The following ST3GAL2 variants were observed in gnomAD, a reference collection of about 807,000 sequenced individuals.
ST3GAL2 encodes the protein ST3 beta-galactoside alpha-2,3-sialyltransferase 2, also known as CMP-N-acetylneuraminate-beta-galactosamide-alpha-2,3-sialyltransferase 2.
In ST3GAL2, 16 loss-of-function variants were observed where a neutral mutation model predicts 37.5. That is an observed-to-expected ratio of 0.43 (90% CI 0.29 to 0.65). The LOEUF (loss-of-function observed/expected upper bound fraction) is 0.65. ST3GAL2 is among the 30% of genes least tolerant of loss of function. The pLI is 0.17. For synonymous variants in ST3GAL2, 238 were observed against 202.9 expected, an observed-to-expected ratio of 1.17 and a Z score of -1.47; for missense variants, 383 against 487.8, an observed-to-expected ratio of 0.79 and a Z score of 2.02.
At chr16:70,425,012 G>A (rs1333472376) in intron 1 of ST3GAL2, among the ~76,000 whole-genome samples, 1 of 152,148 alleles carries the variant, frequency 6.6e-6, no homozygotes, top group Admixed American at 6.6e-5. Context: ...TGGCAGCTGG[G>A]GAGAGATGGT....
At chr16:70,394,737 G>T (rs1363619927) in intron 3 of ST3GAL2, among the ~76,000 whole-genome samples, 1 of 152,186 alleles carries the variant, frequency 6.6e-6, no homozygotes, top group African/African-American at 2.4e-5. Flanking sequence ...CTTTCCAGAG[G>T]AATTCAGAGC....
intron 1 of ST3GAL2, among the ~76,000 whole-genome samples, chr16:70,419,665 C>A (rs953400742): frequency 1.3e-5 from 2 of 152,206 alleles, no homozygotes; most frequent in Non-Finnish European, 1.5e-5. Context: ...TCAGAGGCTT[C>A]CCTGTCCCAG....
Position 70,382,819 on chromosome 16 carries a change from G to T in ST3GAL2, c.865C>A (p.His289Asn). ...GGCCTACCCACCTCATCACACACAT[G>T]CAGGGCAAAGAAAAGCACCAGCATC... ...TGMLVLFFAL[H>N]VCDEVNVYGF... is the part of the protein sequence containing the mutation. Residue 289 changes from histidine to asparagine, a missense_variant, in exon 6 of 7, where the codon CAT becomes AAT. By Grantham distance (68) the His-to-Asn change is moderately conservative (BLOSUM62 1). Around this residue, in one of 2 missense-constraint regions of ST3GAL2, gnomAD observed 160 missense variants for 248.6 expected, o/e 0.64. Coordinates refer to ENST00000342907, the MANE Select transcript of ST3GAL2 (RefSeq NM_006927.4). The T allele has an allele frequency of 6.2e-7, 1 of 1,614,064 alleles. No homozygotes were observed. The highest frequency in any genetic ancestry group is 8.5e-7 in the Non-Finnish European group (1 of 1,179,988).
intron 1 of ST3GAL2, among the ~76,000 whole-genome samples, chr16:70,426,200 T>TTG (rs1555561554): frequency 2.9e-5 from 4 of 136,304 alleles, no homozygotes; most frequent in African/African-American, 1.2e-4. Flanking sequence ...TTTTTTTTTT[T>TTG]TTTTTGTTTT....
At chr16:70,430,543 T>C (rs1414234675) in intron 1 of ST3GAL2, among the ~76,000 whole-genome samples, 1 of 152,204 alleles carries the variant, frequency 6.6e-6, no homozygotes, top group African/African-American at 2.4e-5. Context: ...GAGGGGAGCC[T>C]GAATGGGATC....
rs376789646 is a variant in ST3GAL2 at position 70,416,132 on chromosome 16, G to A, written c.-1003-16599C>T. ...ATCCTACCTCCACTCTCTTCCTCCC[G>A]GATGATCGCAGTGTTGGTTACTGCT... On this transcript the variant is annotated intron_variant, in intron 1 of 6. Coordinates refer to ENST00000342907, the MANE Select transcript of ST3GAL2 (RefSeq NM_006927.4). 2.6e-5 allele frequency among the ~76,000 whole-genome samples: 4 copies of A among 151,826 alleles called. No individual in the cohort carries two copies. The East Asian group carries it at 5.8e-4, about 22-fold the overall frequency.
chr16:70,390,620 G>T (rs533762308), intron 3 of ST3GAL2, among the ~76,000 whole-genome samples: 1 of 152,128 alleles, frequency 6.6e-6, no homozygotes, highest in African/African-American at 2.4e-5. Flanking sequence ...AAGTTCTGAC[G>T]GTCTGCCCTT....
At chr16:70,395,227 G>A (rs767976589) in intron 2 of ST3GAL2, 52 bp from the exon 3 acceptor site, 9 of 1,542,730 alleles carry the variant, frequency 5.8e-6, no homozygotes, top group South Asian at 4.9e-5. Context: ...GGTGTGTGAA[G>A]AAGGAGGGGC....
rs77614123 is a variant in ST3GAL2 at position 70,430,532 on chromosome 16, C to A, written c.-1004+8417G>T. On this transcript the variant is annotated intron_variant, in intron 1 of 6. Transcript: ENST00000342907. ...GAAGTACCAGTGTTGGCCCCCTTCACGAGGGGAGCCTGAATGGGATCCCCA... is the reference window on the plus strand; with the variant it reads ...GAAGTACCAGTGTTGGCCCCCTTCAAGAGGGGAGCCTGAATGGGATCCCCA... Among the ~76,000 whole-genome samples, 643 of 152,326 alleles carry A rather than the reference C, an allele frequency of 4.2e-3. 4 individuals are homozygous for A. The highest frequency in any genetic ancestry group is 0.015 in the African/African-American group (609 of 41,572).
intron 2 of ST3GAL2, among the ~76,000 whole-genome samples, chr16:70,397,430 T>C (rs994317996): frequency 6.6e-6 from 1 of 151,632 alleles, no homozygotes; most frequent in Non-Finnish European, 1.5e-5. Flanking sequence ...TCATGGTATT[T>C]ACAATTATTT....
At position 70,376,372 on chromosome 16, in the gene ST3GAL2, G is replaced by C. The variant is rs1180441322; in HGVS notation, c.*5317C>G. On this transcript the variant is annotated 3_prime_UTR_variant, in exon 7 of 7. Transcript: ENST00000342907. ...TGCTTCACAGGCTTCCCTCTGGAGA[G>C]AACCAGGCTGCCAGAGAGTCTGTGC... The C allele has an allele frequency of 1.3e-5, 2 of 152,258 alleles. No homozygotes were observed. The highest frequency in any genetic ancestry group is 2.9e-5 in the Non-Finnish European group (2 of 68,052). The allele number at this position is 152,258 out of a possible 1,614,324, so 9.4% of individuals were successfully genotyped here. A position where few individuals can be genotyped will look rare whatever the true frequency, so the allele number is the denominator to read the frequency against.
Position 70,381,533 on chromosome 16 carries a change from T to C in ST3GAL2, c.*156A>G, listed in dbSNP as rs1166175318. On this transcript the variant is annotated 3_prime_UTR_variant, in exon 7 of 7. Transcript: ENST00000342907. ...TCCGCCCGACCGCAGCGCAGATTGG[T>C]GCCAGGCCCGGCCGGTCCCCCAGTC... The C allele has an allele frequency of 4.6e-6, 4 of 863,168 alleles. No homozygotes were observed. In the Admixed American group the frequency reaches 1.2e-4, roughly 25 times the overall value. The allele number at this position is 863,168 out of a possible 1,614,324, so 53.5% of individuals were successfully genotyped here.
At chr16:70,411,726 G>A (rs1180071482) in intron 1 of ST3GAL2, among the ~76,000 whole-genome samples, 1 of 152,132 alleles carries the variant, frequency 6.6e-6, no homozygotes, top group East Asian at 1.9e-4. Context: ...CAGGCACGGT[G>A]GCTCACACCT....
At chr16:70,433,292 C>T (rs921421937) in intron 1 of ST3GAL2, among the ~76,000 whole-genome samples, 1 of 152,164 alleles carries the variant, frequency 6.6e-6, no homozygotes, top group African/African-American at 2.4e-5. Flanking sequence ...CATCTCCTCC[C>T]TCCCTCCTCT....
At position 70,407,404 on chromosome 16, in the gene ST3GAL2, G is replaced by C. The variant is rs1424107386; in HGVS notation, c.-1003-7871C>G. ...GATCCGCCTGCCTCGGCCTCCCCAG[G>C]TGCTGGAATTACAGGTGTGAGCCAC... On this transcript the variant is annotated intron_variant, in intron 1 of 6. Transcript: ENST00000342907. Among the ~76,000 whole-genome samples, 9 of 152,298 alleles carry C rather than the reference G, an allele frequency of 5.9e-5. No individual in the cohort carries two copies. In the East Asian group the frequency reaches 1.7e-3, roughly 29 times the overall value.
In ST3GAL2 at chr16:70,395,084, C is replaced by T. The variant is rs757169813; in HGVS notation, c.431G>A (p.Arg144Gln). 35 of 1,613,838 alleles carry T rather than the reference C, an allele frequency of 2.2e-5. No homozygotes were observed. The highest frequency in any genetic ancestry group is 2.8e-5 in the Non-Finnish European group (33 of 1,179,974). ...ACAGCGCCGGCACTGGTGGGGGTCC[C>T]GGAAGCGGTAGGGGTTCTCGCCAGG... ...IVPGENPYRF[R>Q]DPHQCRRCAV... The change falls in exon 3 of 7, where the codon CGG becomes CAG. Residue 144 changes from arginine to glutamine, a missense_variant. Physicochemically the swap from Arg to Gln is conservative, Grantham distance 43. This residue lies in a region of ST3GAL2 where 223 missense variants were observed against 239.1 expected (regional missense o/e 0.93). Transcript: ENST00000342907.
intron 3 of ST3GAL2, among the ~76,000 whole-genome samples, chr16:70,392,595 C>A (rs774702204): frequency 1.3e-5 from 2 of 152,168 alleles, no homozygotes; most frequent in Non-Finnish European, 2.9e-5. Flanking sequence ...ACCAGCTCAA[C>A]TGGACTTGAA....
intron 1 of ST3GAL2, among the ~76,000 whole-genome samples, chr16:70,419,283 G>A (rs1170835029): frequency 1.3e-5 from 2 of 152,196 alleles, no homozygotes; most frequent in East Asian, 1.9e-4. Context: ...CAGTCTTTGC[G>A]GCCCAGAGTT....
At chr16:70,409,446 C>T (rs1301705011) in intron 1 of ST3GAL2, among the ~76,000 whole-genome samples, 1 of 152,106 alleles carries the variant, frequency 6.6e-6, no homozygotes. Context: ...CAGGTTCAAG[C>T]AATTTTCCTG....
Sources: gnomAD v4.1 joint callset for allele counts (sites outside exome capture counted in the v4.1 genomes callset) on GRCh38, gnomAD v4.1.1 for gene constraint, gnomAD v4.1.1 regional missense constraint, MANE v1.5 for transcripts, NCBI Gene and HGNC (gene_info 2026-07-23, HGNC 2026-07-21) for gene names.